The following PRKAR2B variants were observed in gnomAD, a reference collection of about 807,000 sequenced individuals.
PRKAR2B encodes the protein cAMP-dependent protein kinase type II-beta regulatory subunit.
Under a neutral mutation model 49.9 loss-of-function variants are expected in PRKAR2B, and 14 were observed. The ratio of observed to expected loss-of-function variants is 0.28; its 90% CI spans 0.19 to 0.44. PRKAR2B has a LOEUF of 0.44. Among genes scored for constraint, PRKAR2B ranks in the 20% least tolerant of loss-of-function variants. The pLI, the probability that PRKAR2B is intolerant of heterozygous loss-of-function variation, is 1.00. For synonymous variants in PRKAR2B, 196 were observed against 197.7 expected, an observed-to-expected ratio of 0.99 and a Z score of 0.07; for missense variants, 393 against 537.9, an observed-to-expected ratio of 0.73 and a Z score of 2.67.
chr7:107,128,419 C>A, intron 4 of PRKAR2B, 124 bp downstream of exon 4: 1 of 636,392 alleles, frequency 1.6e-6, no homozygotes, highest in South Asian at 2.1e-5. Context: ...ATGGTAAAGG[C>A]CCCCTTGCGG....
At chr7:107,156,702 A>G (rs1039005563) in intron 8 of PRKAR2B, among the ~76,000 whole-genome samples, 1 of 151,754 alleles carries the variant, frequency 6.6e-6, no homozygotes, top group Non-Finnish European at 1.5e-5. Flanking sequence ...GCCACCCAGG[A>G]GGCTGAGGCA....
chr7:107,083,946 A>G (rs1361523492), intron 2 of PRKAR2B, among the ~76,000 whole-genome samples: 3 of 152,228 alleles, frequency 2.0e-5, no homozygotes, highest in African/African-American at 7.2e-5. Context: ...AAATGGAATT[A>G]TAGACTAGTA....
intron 6 of PRKAR2B, among the ~76,000 whole-genome samples, chr7:107,150,011 G>C (rs1412345217): frequency 2.0e-5 from 3 of 150,604 alleles, no homozygotes; most frequent in Non-Finnish European, 4.4e-5. Context: ...AAAAATAAAA[G>C]TAAAAAAAAA....
intron 2 of PRKAR2B, among the ~76,000 whole-genome samples, chr7:107,083,843 C>T (rs895838926): frequency 6.6e-6 from 1 of 151,976 alleles, no homozygotes; most frequent in Non-Finnish European, 1.5e-5. Flanking sequence ...AAACTCCTGA[C>T]GTTGTGATCC....
chr7:107,044,756 C>G lies in PRKAR2B; in HGVS notation c.-152C>G. The G allele has an allele frequency of 3.6e-6, 1 of 276,116 alleles. No homozygotes were observed. Among genetic ancestry groups the G allele is most frequent in the Non-Finnish European group, 5.6e-6 (1 of 179,608 alleles). The allele number at this position is 276,116 out of a possible 1,614,324, so 17.1% of individuals were successfully genotyped here. A position where few individuals can be genotyped will look rare whatever the true frequency, so the allele number is the denominator to read the frequency against. ...CAGACGCGCGCCGGGAGCCGCGGGC[C>G]GGGCCAGCCGGGCCGCCGGGGCCCA... On this transcript the variant is annotated 5_prime_UTR_variant, in exon 1 of 11. Transcript: ENST00000265717.
intron 2 of PRKAR2B, among the ~76,000 whole-genome samples, chr7:107,110,552 C>T (rs1795151453): frequency 6.6e-6 from 1 of 151,726 alleles, no homozygotes; most frequent in Admixed American, 6.6e-5. Flanking sequence ...AGGACTTTGT[C>T]TTGCATCTTT....
At chr7:107,069,185 C>T (rs945991489) in intron 1 of PRKAR2B, among the ~76,000 whole-genome samples, 1 of 152,232 alleles carries the variant, frequency 6.6e-6, no homozygotes, top group Non-Finnish European at 1.5e-5. Flanking sequence ...ATCTGCCCAC[C>T]TTGGCCTCCC....
At chr7:107,148,001 A>G (rs1795922586) in intron 6 of PRKAR2B, among the ~76,000 whole-genome samples, 1 of 152,220 alleles carries the variant, frequency 6.6e-6, no homozygotes, top group Non-Finnish European at 1.5e-5. Context: ...AATTGGAACC[A>G]GTTATTATAT....
chr7:107,145,982 C>G (rs1795886628), intron 5 of PRKAR2B, among the ~76,000 whole-genome samples: 1 of 152,044 alleles, frequency 6.6e-6, no homozygotes, highest in African/African-American at 2.4e-5. Flanking sequence ...CTCAGGTGAT[C>G]CACCCGCCTC....
chr7:107,151,051 A>G, intron 7 of PRKAR2B, 28 bp downstream of exon 7: 2 of 1,339,704 alleles, frequency 1.5e-6, no homozygotes, highest in Non-Finnish European at 2.0e-6. Context: ...CTTTTATTTT[A>G]TTTTGCTTTA....
At chr7:107,099,684 G>C (rs1794920205) in intron 2 of PRKAR2B, among the ~76,000 whole-genome samples, 1 of 150,742 alleles carries the variant, frequency 6.6e-6, no homozygotes, top group African/African-American at 2.4e-5. Flanking sequence ...TGTTGCCCAG[G>C]CTGGAGTGCA....
At chr7:107,123,105 T>C (rs1795418787) in intron 3 of PRKAR2B, among the ~76,000 whole-genome samples, 1 of 152,344 alleles carries the variant, frequency 6.6e-6, no homozygotes, top group Non-Finnish European at 1.5e-5. Flanking sequence ...GAAGACAACA[T>C]GCTTCTTTAT....
chr7:107,112,923 C>A (rs756312963), intron 2 of PRKAR2B, among the ~76,000 whole-genome samples: 2 of 151,952 alleles, frequency 1.3e-5, no homozygotes, highest in African/African-American at 2.4e-5. Context: ...TCCCCTAAAG[C>A]CCATATTTGA....
At chr7:107,137,348 T>G (rs536850121) in intron 4 of PRKAR2B, among the ~76,000 whole-genome samples, 5 of 152,334 alleles carry the variant, frequency 3.3e-5, no homozygotes, top group African/African-American at 1.2e-4. Flanking sequence ...TACCCTTCTT[T>G]GAGTGTTCTC....
chr7:107,118,058 G>A (rs1470582130), intron 2 of PRKAR2B, among the ~76,000 whole-genome samples: 1 of 152,180 alleles, frequency 6.6e-6, no homozygotes, highest in African/African-American at 2.4e-5. Context: ...ATTTCAGATT[G>A]CGTAGGAGGC....
intron 4 of PRKAR2B, among the ~76,000 whole-genome samples, chr7:107,130,759 T>C (rs1046486422): frequency 2.0e-5 from 3 of 152,184 alleles, no homozygotes; most frequent in African/African-American, 7.2e-5. Context: ...ATGGATCCCA[T>C]GTTCTCTAAG....
chr7:107,087,093 CT>C (rs1252140334), intron 2 of PRKAR2B, among the ~76,000 whole-genome samples: 3 of 151,984 alleles, frequency 2.0e-5, no homozygotes, highest in African/African-American at 7.2e-5. Flanking sequence ...ATGTATGCCC[CT>C]CTGAAATAGT....
intron 1 of PRKAR2B, among the ~76,000 whole-genome samples, chr7:107,050,118 G>C (rs1207046735): frequency 6.6e-6 from 1 of 152,078 alleles, no homozygotes; most frequent in African/African-American, 2.4e-5. Context: ...TTTGGAAGAA[G>C]GGTGGTAGAG....
chr7:107,045,273 C>A, intron 1 of PRKAR2B, 59 bp downstream of exon 1: 1 of 1,351,510 alleles, frequency 7.4e-7, no homozygotes, highest in Non-Finnish European at 9.7e-7. Flanking sequence ...CCCACCGCTC[C>A]CCGCTGTGCT....
Sources: gnomAD v4.1 joint callset for allele counts (sites outside exome capture counted in the v4.1 genomes callset) on GRCh38, gnomAD v4.1.1 for gene constraint, MANE v1.5 for transcripts, NCBI Gene and HGNC (gene_info 2026-07-23, HGNC 2026-07-21) for gene names.